The following SUCLG2 variants were observed in gnomAD, a reference collection of about 807,000 sequenced individuals.
The protein encoded by SUCLG2 is succinate-CoA ligase GDP-forming subunit beta.
Under a neutral mutation model 47.9 loss-of-function variants are expected in SUCLG2, and 42 were observed. The observed-to-expected ratio is 0.88, with a 90% confidence interval of 0.69 to 1.14. The LOEUF (loss-of-function observed/expected upper bound fraction) is 1.14. SUCLG2 is among the 50% of genes most tolerant of loss of function. The pLI is 0.00. For missense variants in SUCLG2, 571 were observed against 525.9 expected (o/e 1.09, Z -0.84); for synonymous variants, 195 against 197.3 (o/e 0.99, Z 0.10).
intron 1 of SUCLG2, among the ~76,000 whole-genome samples, chr3:67,613,992 GA>G (rs1237714921): frequency 2.6e-5 from 4 of 152,196 alleles, no homozygotes; most frequent in Non-Finnish European, 5.9e-5. Context: ...CTTTGGGAGG[GA>G]GGGAGGTGGA....
chr3:67,490,473 G>T (rs1244129459), intron 9 of SUCLG2, among the ~76,000 whole-genome samples: 1 of 152,094 alleles, frequency 6.6e-6, no homozygotes, highest in Non-Finnish European at 1.5e-5. Flanking sequence ...TTTCAAACAT[G>T]AATTTAATCC....
At chr3:67,381,051 C>G (rs7616862) in intron 10 of SUCLG2, among the ~76,000 whole-genome samples, 6,341 of 152,138 alleles carry the variant, frequency 0.042, 438 homozygotes, top group African/African-American at 0.15. Flanking sequence ...GGCATGGTGG[C>G]CTGTAGTCCC....
At chr3:67,564,168 T>C (rs2107222543) in intron 2 of SUCLG2, among the ~76,000 whole-genome samples, 1 of 152,308 alleles carries the variant, frequency 6.6e-6, no homozygotes. Flanking sequence ...ACATACTCTT[T>C]CCTTCTGTAA....
At chr3:67,525,187 CA>C (rs1270909429) in intron 4 of SUCLG2, among the ~76,000 whole-genome samples, 4 of 151,988 alleles carry the variant, frequency 2.6e-5, no homozygotes, top group Non-Finnish European at 5.9e-5. Flanking sequence ...CTTAACATAA[CA>C]AAAAACCAAT....
intron 6 of SUCLG2, among the ~76,000 whole-genome samples, chr3:67,515,759 G>A (rs1447775302): frequency 6.6e-6 from 1 of 152,088 alleles, no homozygotes; most frequent in Non-Finnish European, 1.5e-5. Flanking sequence ...TGGCCCTCTA[G>A]AGCATTTCAC....
intron 6 of SUCLG2, among the ~76,000 whole-genome samples, chr3:67,514,544 A>C (rs1252643745): frequency 6.6e-6 from 1 of 152,204 alleles, no homozygotes; most frequent in African/African-American, 2.4e-5. Context: ...CATCAGCCTA[A>C]ACCTTAGAGG....
At chr3:67,531,466 A>G (rs1256057711) in intron 2 of SUCLG2, among the ~76,000 whole-genome samples, 1 of 152,174 alleles carries the variant, frequency 6.6e-6, no homozygotes, top group Non-Finnish European at 1.5e-5. Flanking sequence ...AGCTTTAGTC[A>G]CTAACCATCA....
At chr3:67,526,900 T>C (rs549814488) in intron 4 of SUCLG2, among the ~76,000 whole-genome samples, 1 of 152,332 alleles carries the variant, frequency 6.6e-6, no homozygotes, top group South Asian at 2.1e-4. Flanking sequence ...GTGGCTTTAT[T>C]TGTAATAGCC....
intron 9 of SUCLG2, among the ~76,000 whole-genome samples, chr3:67,484,633 G>A (rs997017293): frequency 6.6e-6 from 1 of 151,914 alleles, no homozygotes; most frequent in African/African-American, 2.4e-5. Context: ...ATGGGGAAGG[G>A]GGCAAACAAA....
chr3:67,628,059 T>G (rs1368019575), intron 1 of SUCLG2, among the ~76,000 whole-genome samples: 1 of 152,220 alleles, frequency 6.6e-6, no homozygotes, highest in Non-Finnish European at 1.5e-5. Context: ...ATGTTAAATT[T>G]TATCTGTTAA....
intron 1 of SUCLG2, among the ~76,000 whole-genome samples, chr3:67,642,562 A>C (rs897260275): frequency 2.6e-5 from 4 of 152,216 alleles, no homozygotes; most frequent in Non-Finnish European, 5.9e-5. Context: ...GTGAGCTGTT[A>C]TACGATCTTG....
At chr3:67,537,990 C>A (rs1443032056) in intron 2 of SUCLG2, among the ~76,000 whole-genome samples, 1 of 152,100 alleles carries the variant, frequency 6.6e-6, no homozygotes, top group Non-Finnish European at 1.5e-5. Flanking sequence ...GATGGATAGA[C>A]TGCAAAAAAT....
intron 10 of SUCLG2, among the ~76,000 whole-genome samples, chr3:67,395,908 C>T (rs1298683449): frequency 3.9e-5 from 6 of 152,104 alleles, no homozygotes; most frequent in East Asian, 1.9e-4. Context: ...GAACAACCTG[C>T]CCCTGAATGA....
chr3:67,450,123 C>G (rs546234478), intron 9 of SUCLG2, among the ~76,000 whole-genome samples: 1 of 152,222 alleles, frequency 6.6e-6, no homozygotes, highest in Non-Finnish European at 1.5e-5. Context: ...CTTACTGCAG[C>G]CTTGAACTCC....
At chr3:67,620,227 A>G (rs1477080881) in intron 1 of SUCLG2, among the ~76,000 whole-genome samples, 1 of 152,204 alleles carries the variant, frequency 6.6e-6, no homozygotes, top group Admixed American at 6.5e-5. Context: ...GGGAAGAAAG[A>G]CATGAACACA....
At chr3:67,430,359 A>G (rs1179407979) in intron 9 of SUCLG2, among the ~76,000 whole-genome samples, 1 of 152,206 alleles carries the variant, frequency 6.6e-6, no homozygotes, top group Non-Finnish European at 1.5e-5. Context: ...TACTGGGTAC[A>G]TAACAAAATG....
intron 10 of SUCLG2, among the ~76,000 whole-genome samples, chr3:67,391,679 T>C (rs1702386683): frequency 6.6e-6 from 1 of 152,134 alleles, no homozygotes; most frequent in African/African-American, 2.4e-5. Flanking sequence ...GATTTGCTGC[T>C]AACACCCAGA....
chr3:67,523,717 G>C (rs1462945104), intron 4 of SUCLG2, among the ~76,000 whole-genome samples: 1 of 152,084 alleles, frequency 6.6e-6, no homozygotes, highest in African/African-American at 2.4e-5. Flanking sequence ...TAAGAAATTT[G>C]ATTGGCACAA....
chr3:67,535,275 G>A (rs545647013), intron 2 of SUCLG2, among the ~76,000 whole-genome samples: 3 of 152,140 alleles, frequency 2.0e-5, no homozygotes, highest in South Asian at 2.1e-4. Flanking sequence ...TATAGGAATC[G>A]AAGCTTGCAC....
Sources: gnomAD v4.1 joint callset for allele counts (sites outside exome capture counted in the v4.1 genomes callset) on GRCh38, gnomAD v4.1.1 for gene constraint, MANE v1.5 for transcripts, NCBI Gene and HGNC (gene_info 2026-07-23, HGNC 2026-07-21) for gene names.